CD302: variants seen among roughly 807,000 people sequenced by gnomAD.
CD302 encodes the protein CD302 antigen.
A neutral mutation model predicts 26.5 loss-of-function variants in CD302; 23 were observed. That is an observed-to-expected ratio of 0.87 (90% confidence interval 0.62 to 1.23). The LOEUF is 1.23. CD302 is among the 50% of genes most tolerant of loss of function. The pLI is 0.00. For synonymous variants in CD302, 90 were observed against 99.4 expected, an observed-to-expected ratio of 0.91 and a Z score of 0.56; for missense variants, 290 against 275.5, an observed-to-expected ratio of 1.05 and a Z score of -0.37.
At chr2:159,782,212 G>A (rs1342389685) in intron 2 of CD302, among the ~76,000 whole-genome samples, 6 of 151,872 alleles carry the variant, frequency 4.0e-5, no homozygotes, top group East Asian at 1.9e-4. Context: ...GTCAGGAGAC[G>A]AGACCATCCT....
intron 1 of CD302, among the ~76,000 whole-genome samples, chr2:159,789,854 A>C (rs1203392812): frequency 6.6e-6 from 1 of 152,198 alleles, no homozygotes; most frequent in East Asian, 1.9e-4. Flanking sequence ...TAGCTATTTA[A>C]GATTTTACCA....
At chr2:159,789,724 G>A (rs188321243) in intron 1 of CD302, among the ~76,000 whole-genome samples, 57 of 152,280 alleles carry the variant, frequency 3.7e-4, no homozygotes, top group Middle Eastern at 3.4e-3. Context: ...CTTTTGATCC[G>A]TAGGGATTGC....
chr2:159,788,976 T>A (rs904339575), intron 1 of CD302, among the ~76,000 whole-genome samples: 1 of 152,122 alleles, frequency 6.6e-6, no homozygotes, highest in Non-Finnish European at 1.5e-5. Context: ...CCTGGTTTAT[T>A]AATGCACTCT....
At chr2:159,774,854 A>G (rs1413688451) in intron 5 of CD302, among the ~76,000 whole-genome samples, 4 of 151,498 alleles carry the variant, frequency 2.6e-5, no homozygotes, top group African/African-American at 7.2e-5. Context: ...CTGTTTGCCA[A>G]GATGGCAGCT....
chr2:159,788,672 C>A (rs1244046634), intron 1 of CD302, among the ~76,000 whole-genome samples: 1 of 152,188 alleles, frequency 6.6e-6, no homozygotes. Context: ...TTGCTGCTTT[C>A]AAGATTTTCT....
At chr2:159,775,172 G>C (rs1399152102) in intron 5 of CD302, among the ~76,000 whole-genome samples, 1 of 152,192 alleles carries the variant, frequency 6.6e-6, no homozygotes, top group Non-Finnish European at 1.5e-5. Flanking sequence ...ATGTATGCTT[G>C]AGAGCAGAGG....
At chr2:159,780,324 AT>A (rs766747478) in intron 3 of CD302, 146 bp from the exon 4 acceptor site, 22 of 947,888 alleles carry the variant, frequency 2.3e-5, no homozygotes, top group Non-Finnish European at 3.0e-5. Flanking sequence ...GGAGGAATAT[AT>A]CCTGTGTACA....
intron 1 of CD302, among the ~76,000 whole-genome samples, chr2:159,790,666 C>CT (rs1708782937): frequency 6.6e-6 from 1 of 151,810 alleles, no homozygotes; most frequent in South Asian, 2.1e-4. Context: ...TGCTCTTTTT[C>CT]TTTTACCTTA....
intron 3 of CD302, 65 bp downstream of exon 3, chr2:159,780,817 C>A: frequency 2.8e-6 from 4 of 1,420,170 alleles, no homozygotes; most frequent in African/African-American, 1.4e-5. Context: ...ATTGAAAAGC[C>A]ATCAGTTTTG....
In CD302 at chr2:159,771,692, TA is replaced by T; in HGVS notation, c.*158del. On this transcript the variant is annotated 3_prime_UTR_variant, in exon 6 of 6. Coordinates refer to ENST00000259053, the MANE Select transcript of CD302 (RefSeq NM_014880.5). Reference sequence around the variant, plus strand: ...CTAAAACCTGTTTTTTTAATGAACCTAAAGACTTTTCACAGCAGATGAGTAC... The same window carrying T: ...CTAAAACCTGTTTTTTTAATGAACCTAAGACTTTTCACAGCAGATGAGTAC... 1 of 837,798 alleles carries T rather than the reference TA, an allele frequency of 1.2e-6. No homozygotes were observed. Among genetic ancestry groups the T allele is most frequent in the African/African-American group, 1.7e-5 (1 of 57,834 alleles). The allele number at this position is 837,798 out of a possible 1,614,324, so 51.9% of individuals were successfully genotyped here. A position where few individuals can be genotyped will look rare whatever the true frequency, so the allele number is the denominator to read the frequency against.
chr2:159,792,381 T>C (rs1708829819), intron 1 of CD302, among the ~76,000 whole-genome samples: 2 of 151,898 alleles, frequency 1.3e-5, no homozygotes, highest in African/African-American at 2.4e-5. Flanking sequence ...TTATTGGTTA[T>C]TGTATTAGTC....
Position 159,783,337 on chromosome 2 carries a change from CAGAAA to C in CD302, c.178+17_178+21del. On this transcript the variant is annotated intron_variant, in intron 2 of 5. Coordinates refer to ENST00000259053, the MANE Select transcript of CD302 (RefSeq NM_014880.5). ...GTTCACTAATTTGTGAAAAAACAAA[CAGAAA>C]AGAATAAGCCTTTTACCATGGTCAG... The C allele has an allele frequency of 6.5e-7, 1 of 1,537,612 alleles. No homozygotes were observed. Among genetic ancestry groups the C allele is most frequent in the Non-Finnish European group, 8.7e-7 (1 of 1,145,638 alleles).
intron 1 of CD302, among the ~76,000 whole-genome samples, chr2:159,787,052 TATTC>T (rs1044533909): frequency 2.0e-5 from 3 of 152,378 alleles, no homozygotes; most frequent in Admixed American, 2.0e-4. Context: ...TCTAAGAACT[TATTC>T]ATTCTTCTGT....
chr2:159,781,204 A>G (rs1486262658), intron 2 of CD302, among the ~76,000 whole-genome samples: 1 of 152,166 alleles, frequency 6.6e-6, no homozygotes, highest in Admixed American at 6.5e-5. Flanking sequence ...TGTCATTGAA[A>G]TTATGTTTAT....
intron 2 of CD302, 84 bp downstream of exon 2, chr2:159,783,275 G>A: frequency 2.6e-6 from 3 of 1,147,282 alleles, no homozygotes; most frequent in Non-Finnish European, 3.6e-6. Context: ...AAAGTCAGAT[G>A]TGACAAAATC....
intron 4 of CD302, among the ~76,000 whole-genome samples, chr2:159,779,246 A>C (rs1003981650): frequency 6.6e-6 from 1 of 151,282 alleles, no homozygotes; most frequent in African/African-American, 2.4e-5. Flanking sequence ...AAAAAAAAAA[A>C]AAAAAAAAAA....
At chr2:159,793,288 A>G (rs915768335) in intron 1 of CD302, among the ~76,000 whole-genome samples, 1 of 152,204 alleles carries the variant, frequency 6.6e-6, no homozygotes, top group African/African-American at 2.4e-5. Flanking sequence ...GCATAACTCC[A>G]AAAGTTTCTA....
chr2:159,776,229 CTT>C (rs976885434), intron 5 of CD302, among the ~76,000 whole-genome samples: 6 of 152,068 alleles, frequency 3.9e-5, no homozygotes, highest in African/African-American at 1.4e-4. Flanking sequence ...ATTTTCTTCT[CTT>C]TTAAGGCTAA....
intron 1 of CD302, among the ~76,000 whole-genome samples, chr2:159,784,286 G>C (rs1210156401): frequency 2.0e-5 from 3 of 149,360 alleles, no homozygotes; most frequent in Non-Finnish European, 4.4e-5. Flanking sequence ...TTGTATATAG[G>C]TAAAAATCTT....
Sources: allele counts gnomAD v4.1 joint callset (sites outside exome capture counted in the v4.1 genomes callset), GRCh38; gene constraint gnomAD v4.1.1; transcripts MANE v1.5; gene names NCBI Gene and HGNC (gene_info 2026-07-23, HGNC 2026-07-21).